Variants in CAPZA1 observed in about 807,000 individuals in gnomAD.
CAPZA1 encodes F-actin-capping protein subunit alpha-1.
In CAPZA1, 10 loss-of-function variants were observed where a neutral mutation model predicts 40.8. That is an observed-to-expected ratio of 0.25 (90% CI 0.15 to 0.42). The LOEUF is 0.42. Among genes scored for constraint, CAPZA1 ranks in the 10% least tolerant of loss-of-function variants. The pLI is 1.00. For synonymous variants in CAPZA1, 98 were observed against 115.0 expected, an observed-to-expected ratio of 0.85 and a Z score of 0.95; for missense variants, 277 against 353.8, an observed-to-expected ratio of 0.78 and a Z score of 1.74.
intron 5 of CAPZA1, among the ~76,000 whole-genome samples, chr1:112,658,428 T>G (rs1671539609): frequency 6.6e-6 from 1 of 152,234 alleles, no homozygotes; most frequent in Admixed American, 6.5e-5. Flanking sequence ...CCCATTAATA[T>G]AACTCTGACT....
At chr1:112,665,316 A>G (rs1333012126) in intron 7 of CAPZA1, among the ~76,000 whole-genome samples, 1 of 151,330 alleles carries the variant, frequency 6.6e-6, no homozygotes, top group East Asian at 2.0e-4. Context: ...AGCTGGGATT[A>G]CAGATGCCTG....
At chr1:112,625,122 G>T (rs1391458694) in intron 1 of CAPZA1, among the ~76,000 whole-genome samples, 1 of 152,136 alleles carries the variant, frequency 6.6e-6, no homozygotes, top group African/African-American at 2.4e-5. Context: ...GTCTCTAGGT[G>T]TTTCTTGTAT....
intron 1 of CAPZA1, among the ~76,000 whole-genome samples, chr1:112,640,779 A>G (rs1007481229): frequency 6.6e-6 from 1 of 152,192 alleles, no homozygotes; most frequent in African/African-American, 2.4e-5. Flanking sequence ...TGGAATAGAG[A>G]GGGGAGAAAG....
Position 112,671,084 on chromosome 1 carries a change from G to C in CAPZA1, c.*952G>C, listed in dbSNP as rs1044600524. ...AACCAAAGTGAAAGGATAACTTCCA[G>C]GCAGTATCTTTCTATTGTAACCTGT... On this transcript the variant is annotated 3_prime_UTR_variant, in exon 10 of 10. Transcript: ENST00000263168. The C allele has an allele frequency of 6.6e-6, 1 of 152,588 alleles. No homozygotes were observed. The highest frequency in any genetic ancestry group is 1.5e-5 in the Non-Finnish European group (1 of 68,040). The allele number at this position is 152,588 out of a possible 1,614,324, so 9.5% of individuals were successfully genotyped here. A position where few individuals can be genotyped will look rare whatever the true frequency, so the allele number is the denominator to read the frequency against.
rs770265863 is a variant in CAPZA1 at position 112,666,993 on chromosome 1, C to T, written c.586-81C>T. On this transcript the variant is annotated intron_variant, in intron 7 of 9. Coordinates refer to ENST00000263168, the MANE Select transcript of CAPZA1 (RefSeq NM_006135.3). ...AAATGGCTCATCAACTTAAAGATAG[C>T]TTAAAGCATGGATTTGTGTCCTAAA... is the stretch of plus-strand genomic sequence containing the variant. 297 of 940,058 alleles carry T rather than the reference C, an allele frequency of 3.2e-4. 1 individual carries two copies. The highest frequency in any genetic ancestry group is 4.0e-5 in the Non-Finnish European group (24 of 601,900). 58.2% of individuals were successfully genotyped at this position (940,058 alleles called of 1,614,324 possible). A position where few individuals can be genotyped will look rare whatever the true frequency, so the allele number is the denominator to read the frequency against.
intron 3 of CAPZA1, among the ~76,000 whole-genome samples, chr1:112,651,488 G>A (rs1671385054): frequency 6.6e-6 from 1 of 152,132 alleles, no homozygotes; most frequent in South Asian, 2.1e-4. Context: ...ATGTACTTAA[G>A]TAGAGCCTAC....
At chr1:112,621,494 C>T (rs1405785107) in intron 1 of CAPZA1, among the ~76,000 whole-genome samples, 1 of 152,112 alleles carries the variant, frequency 6.6e-6, no homozygotes, top group East Asian at 1.9e-4. Context: ...TCAAACGATC[C>T]ATCCGTCTTC....
chr1:112,636,819 AT>A (rs1409583396), intron 1 of CAPZA1, among the ~76,000 whole-genome samples: 1 of 152,096 alleles, frequency 6.6e-6, no homozygotes, highest in Non-Finnish European at 1.5e-5. Context: ...TAGCAAAGAT[AT>A]TTTTTCAGTC....
chr1:112,631,617 T>C (rs369627285), intron 1 of CAPZA1, among the ~76,000 whole-genome samples: 6 of 152,356 alleles, frequency 3.9e-5, no homozygotes, highest in African/African-American at 1.4e-4. Flanking sequence ...ACTGCTGCTT[T>C]TTCCATCTAG....
At chr1:112,664,010 G>T (rs1287973232) in intron 7 of CAPZA1, among the ~76,000 whole-genome samples, 3 of 152,026 alleles carry the variant, frequency 2.0e-5, no homozygotes, top group Non-Finnish European at 4.4e-5. Context: ...AAAGCAGGGG[G>T]ATCATGAGGT....
intron 7 of CAPZA1, among the ~76,000 whole-genome samples, chr1:112,660,183 G>A (rs1021095793): frequency 1.3e-5 from 2 of 151,876 alleles, no homozygotes; most frequent in African/African-American, 4.8e-5. Flanking sequence ...GCCCAGGCTG[G>A]GTTAATTCCT....
intron 4 of CAPZA1, 38 bp downstream of exon 4, chr1:112,653,699 T>TAA: frequency 7.5e-7 from 1 of 1,338,524 alleles, no homozygotes; most frequent in Non-Finnish European, 1.1e-6. Context: ...GCCTGGCAGA[T>TAA]AGTAGAGATC....
At chr1:112,632,284 G>A (rs886816155) in intron 1 of CAPZA1, among the ~76,000 whole-genome samples, 4 of 152,044 alleles carry the variant, frequency 2.6e-5, no homozygotes, top group African/African-American at 9.7e-5. Context: ...CTCCATCCTG[G>A]GTGACATCTC....
chr1:112,636,746 C>T (rs1403577267), intron 1 of CAPZA1, among the ~76,000 whole-genome samples: 1 of 152,124 alleles, frequency 6.6e-6, no homozygotes, highest in East Asian at 1.9e-4. Context: ...CTTTCACTCT[C>T]CCACCCTTGA....
At chr1:112,666,958 A>C in intron 7 of CAPZA1, 116 bp from the exon 8 acceptor site, 1 of 638,036 alleles carries the variant, frequency 1.6e-6, no homozygotes, top group Non-Finnish European at 2.8e-6. Flanking sequence ...TTATTTGTTC[A>C]GAGTTGGTAA....
intron 1 of CAPZA1, among the ~76,000 whole-genome samples, chr1:112,646,221 T>G (rs2101161491): frequency 6.6e-6 from 1 of 152,350 alleles, no homozygotes; most frequent in South Asian, 2.1e-4. Flanking sequence ...ATAGCATTCC[T>G]TGTGCCCTCT....
At chr1:112,654,217 T>C (rs1671454265) in intron 4 of CAPZA1, among the ~76,000 whole-genome samples, 1 of 152,212 alleles carries the variant, frequency 6.6e-6, no homozygotes, top group Non-Finnish European at 1.5e-5. Flanking sequence ...TATATAGTTA[T>C]GTATAAGTAT....
chr1:112,646,190 A>G (rs1671278684), intron 1 of CAPZA1, among the ~76,000 whole-genome samples: 1 of 152,236 alleles, frequency 6.6e-6, no homozygotes, highest in Non-Finnish European at 1.5e-5. Context: ...GCTAGGTTGA[A>G]TAACAGGAGA....
rs185912055 is a variant in CAPZA1 at position 112,662,302 on chromosome 1, G to A, written c.585+2523G>A. On this transcript the variant is annotated intron_variant, in intron 7 of 9. Transcript: ENST00000263168. ...TTTTTTTATTTTTTTGTAGAGTCGG[G>A]GTCTCACTATATTGCCCAGGCTGGG... 9.0e-4 allele frequency among the ~76,000 whole-genome samples: 136 copies of A among 151,292 alleles called. 1 individual carries two copies. The highest frequency in any genetic ancestry group is 3.2e-3 in the African/African-American group (131 of 41,234).
Sources: gnomAD v4.1 joint callset for allele counts (sites outside exome capture counted in the v4.1 genomes callset) on GRCh38, gnomAD v4.1.1 for gene constraint, MANE v1.5 for transcripts, NCBI Gene and HGNC (gene_info 2026-07-23, HGNC 2026-07-21) for gene names.